Variants in EFHC2 observed in about 807,000 individuals in gnomAD.
The protein encoded by EFHC2 is EF-hand domain-containing family member C2.
In EFHC2, 18 loss-of-function variants were observed where a neutral mutation model predicts 52.7. That is an observed-to-expected ratio of 0.34 (90% CI 0.24 to 0.51). The LOEUF (loss-of-function observed/expected upper bound fraction) is 0.51, where lower values mean the gene tolerates loss of function less well. EFHC2 is among the 20% of genes least tolerant of loss of function. EFHC2 has a pLI of 0.97. For synonymous variants in EFHC2, 203 were observed against 204.1 expected, an observed-to-expected ratio of 0.99 and a Z score of 0.04; for missense variants, 513 against 562.5, an observed-to-expected ratio of 0.91 and a Z score of 0.89.
At chrX:44,290,580 T>C (rs867422764) in intron 2 of EFHC2, among the ~76,000 whole-genome samples, 1 of 9,899 alleles carries the variant, frequency 1.0e-4, no homozygotes, top group African/African-American at 4.3e-4. Flanking sequence ...ATAGGGTGGG[T>C]GGGTGGGTTT....
At chrX:44,267,483 T>C (rs966843334) in intron 3 of EFHC2, among the ~76,000 whole-genome samples, 2 of 111,670 alleles carry the variant, frequency 1.8e-5, no homozygotes, top group African/African-American at 6.5e-5. Context: ...GATGCCTCTT[T>C]TGTTTCTGGC....
At chrX:44,329,066 C>T (rs991025045) in intron 1 of EFHC2, among the ~76,000 whole-genome samples, 4 of 111,441 alleles carry the variant, frequency 3.6e-5, no homozygotes, top group African/African-American at 9.8e-5. Flanking sequence ...GAACACCCTC[C>T]GCTGGTAACA....
chrX:44,270,648 AT>A (rs1279524857), intron 3 of EFHC2, among the ~76,000 whole-genome samples: 1 of 111,809 alleles, frequency 8.9e-6, no homozygotes, highest in Non-Finnish European at 1.9e-5. Context: ...TATGCTAAAT[AT>A]ATAAGGACAC....
chrX:44,263,550 T>G (rs1318934600), intron 3 of EFHC2, among the ~76,000 whole-genome samples: 1 of 112,115 alleles, frequency 8.9e-6, no homozygotes, highest in African/African-American at 3.2e-5. Context: ...TATTTTTAAA[T>G]GTACTACATA....
chrX:44,226,742 C>T (rs1250056679), intron 11 of EFHC2, among the ~76,000 whole-genome samples: 3 of 108,294 alleles, frequency 2.8e-5, no homozygotes, highest in South Asian at 4.1e-4. Context: ...CGGGGCCTGT[C>T]GGGGGGTCGG....
At chrX:44,227,031 C>T (rs1323149521) in intron 11 of EFHC2, among the ~76,000 whole-genome samples, 1 of 105,308 alleles carries the variant, frequency 9.5e-6, no homozygotes, top group Non-Finnish European at 2.0e-5. Context: ...AAACACTAAA[C>T]AAAAAAAAAA....
intron 14 of EFHC2, among the ~76,000 whole-genome samples, chrX:44,149,999 G>A (rs760297292): frequency 2.2e-4 from 24 of 111,502 alleles, no homozygotes; most frequent in Non-Finnish European, 1.1e-4. Flanking sequence ...ACATAAATAC[G>A]TGTATATACA....
chrX:44,313,360 A>G (rs932071705), intron 1 of EFHC2, among the ~76,000 whole-genome samples: 2 of 111,610 alleles, frequency 1.8e-5, no homozygotes, highest in Admixed American at 9.5e-5. Context: ...TGGCAAGGAC[A>G]TGGCCAACAT....
At chrX:44,219,472 TG>T (rs1254405693) in intron 11 of EFHC2, among the ~76,000 whole-genome samples, 1 of 111,175 alleles carries the variant, frequency 9.0e-6, no homozygotes. Context: ...AAAATTAAGA[TG>T]GGTTAATAGA....
chrX:44,325,354 T>C (rs11795604), intron 1 of EFHC2, among the ~76,000 whole-genome samples: 38,786 of 109,429 alleles, frequency 0.35, 5,098 homozygotes, highest in South Asian at 0.46. Flanking sequence ...GCAAATGTCT[T>C]AGCAAATGAT....
At chrX:44,339,998 G>T (rs897506889) in intron 1 of EFHC2, among the ~76,000 whole-genome samples, 7 of 111,449 alleles carry the variant, frequency 6.3e-5, no homozygotes, top group African/African-American at 2.0e-4. Flanking sequence ...TGAGTCCAAG[G>T]TACTGTCATT....
At chrX:44,252,658 C>T (rs867781864) in intron 4 of EFHC2, among the ~76,000 whole-genome samples, 1 of 111,947 alleles carries the variant, frequency 8.9e-6, no homozygotes, top group Non-Finnish European at 1.9e-5. Context: ...ATATAGAAGC[C>T]TCTTATTAAA....
At chrX:44,150,286 GA>G (rs746991963) in intron 14 of EFHC2, among the ~76,000 whole-genome samples, 1 of 111,860 alleles carries the variant, frequency 8.9e-6, no homozygotes, top group Non-Finnish European at 1.9e-5. Context: ...CTTATGGGAT[GA>G]AAAACAGTTC....
At chrX:44,289,795 C>T (rs1325951810) in intron 2 of EFHC2, among the ~76,000 whole-genome samples, 1 of 106,054 alleles carries the variant, frequency 9.4e-6, no homozygotes, top group Admixed American at 1.0e-4. Flanking sequence ...GATTCTCCTG[C>T]CTCAGCCTCC....
At chrX:44,237,878 T>C (rs781482141) in intron 8 of EFHC2, among the ~76,000 whole-genome samples, 1 of 111,461 alleles carries the variant, frequency 9.0e-6, no homozygotes, top group South Asian at 3.8e-4. Context: ...TATTCCTTGG[T>C]CATGCTCTGC....
chrX:44,256,631 G>C (rs2037493827), intron 4 of EFHC2, among the ~76,000 whole-genome samples: 1 of 111,676 alleles, frequency 9.0e-6, no homozygotes, highest in South Asian at 3.7e-4. Context: ...TTCTGAAATT[G>C]AGGCAGTAAT....
intron 13 of EFHC2, among the ~76,000 whole-genome samples, chrX:44,174,548 C>T (rs753957258): frequency 1.9e-5 from 2 of 106,076 alleles, no homozygotes; most frequent in South Asian, 8.7e-4. Context: ...GATATGGTGC[C>T]ACTTGAAATG....
At chrX:44,236,632 T>C (rs1429542231) in intron 8 of EFHC2, among the ~76,000 whole-genome samples, 3 of 112,200 alleles carry the variant, frequency 2.7e-5, no homozygotes, top group Non-Finnish European at 5.6e-5. Flanking sequence ...AGCACCAAGA[T>C]TCCTAGGCTT....
At chrX:44,153,422 C>T (rs969117917) in intron 14 of EFHC2, among the ~76,000 whole-genome samples, 10 of 111,845 alleles carry the variant, frequency 8.9e-5, no homozygotes, top group South Asian at 3.8e-4. Context: ...TTCCTTTTGT[C>T]ACTCTTCCTT....
Sources: gnomAD v4.1 joint callset for allele counts (sites outside exome capture counted in the v4.1 genomes callset) on GRCh38, gnomAD v4.1.1 for gene constraint, MANE v1.5 for transcripts, NCBI Gene and HGNC (gene_info 2026-07-23, HGNC 2026-07-21) for gene names.